FAP: variants seen among roughly 807,000 people sequenced by gnomAD.
The protein encoded by FAP is prolyl endopeptidase FAP.
Under a neutral mutation model 126.5 loss-of-function variants are expected in FAP, and 110 were observed. The observed-to-expected ratio is 0.87, with a 90% CI of 0.74 to 1.02. FAP has a LOEUF of 1.02. Among genes scored for constraint, FAP ranks in the 50% least tolerant of loss-of-function variants. The pLI, the probability that FAP is intolerant of heterozygous loss-of-function variation, is 0.00. For synonymous variants in FAP, 334 were observed against 297.3 expected (o/e 1.12, Z -1.27); for missense variants, 919 against 909.2 (o/e 1.01, Z -0.14).
chr2:162,233,148 A>G (rs569707186), intron 2 of FAP, among the ~76,000 whole-genome samples: 1 of 152,102 alleles, frequency 6.6e-6, no homozygotes, highest in East Asian at 1.9e-4. Flanking sequence ...ATCCCCACTT[A>G]CATATCTCAC....
intron 12 of FAP, among the ~76,000 whole-genome samples, chr2:162,207,633 C>T (rs1688756166): frequency 6.6e-6 from 1 of 151,210 alleles, no homozygotes; most frequent in South Asian, 2.1e-4. Flanking sequence ...TGGCTCATGC[C>T]ATTTAGTTGG....
chr2:162,198,296 C>T (rs1011505892), intron 16 of FAP: 4 of 1,289,722 alleles, frequency 3.1e-6, no homozygotes, highest in Non-Finnish European at 4.0e-6. Context: ...GTTGTTCATT[C>T]CCCTGGATGT....
At chr2:162,212,980 A>C (rs1008854200) in intron 11 of FAP, among the ~76,000 whole-genome samples, 3 of 152,248 alleles carry the variant, frequency 2.0e-5, no homozygotes, top group Admixed American at 1.3e-4. Context: ...TTTTCTGCCC[A>C]AAATTAGTAC....
chr2:162,194,611 G>T, intron 17 of FAP, 90 bp downstream of exon 17: 1 of 1,117,302 alleles, frequency 9.0e-7, no homozygotes, highest in Non-Finnish European at 1.4e-6. Context: ...CCTTGGTGGT[G>T]TGGAGAAACT....
In FAP at chr2:162,170,686, G is replaced by C. The variant is rs546627569; in HGVS notation, c.*293C>G. The C allele has an allele frequency of 3.3e-6, 1 of 300,542 alleles. No individual in the cohort carries two copies. The highest frequency in any genetic ancestry group is 6.3e-6 in the Non-Finnish European group (1 of 159,102). The allele number at this position is 300,542 out of a possible 1,614,324, so 18.6% of individuals were successfully genotyped here. A position where few individuals can be genotyped will look rare whatever the true frequency, so the allele number is the denominator to read the frequency against. Reference sequence around the variant, plus strand: ...ATCAATGAATACAGACAACACAATAGCACTTGAACTTCTGACTTTATTATT... The same window carrying C: ...ATCAATGAATACAGACAACACAATACCACTTGAACTTCTGACTTTATTATT... On this transcript the variant is annotated 3_prime_UTR_variant, in exon 26 of 26. Coordinates refer to ENST00000188790, the MANE Select transcript of FAP (RefSeq NM_004460.5).
chr2:162,229,060 A>T (rs1468832272), intron 2 of FAP, among the ~76,000 whole-genome samples: 1 of 152,144 alleles, frequency 6.6e-6, no homozygotes, highest in Non-Finnish European at 1.5e-5. Flanking sequence ...AAATGAATAT[A>T]ACCTTAGTTA....
At chr2:162,225,322 G>A (rs1039366621) in intron 4 of FAP, among the ~76,000 whole-genome samples, 161 bp downstream of exon 4, 1 of 152,138 alleles carries the variant, frequency 6.6e-6, no homozygotes, top group African/African-American at 2.4e-5. Flanking sequence ...AAAGACAGTA[G>A]TCTAATGGGA....
chr2:162,191,154 A>G (rs1283387863), intron 17 of FAP, among the ~76,000 whole-genome samples: 1 of 152,082 alleles, frequency 6.6e-6, no homozygotes, highest in Non-Finnish European at 1.5e-5. Flanking sequence ...TGATTGACTG[A>G]TTACTATTTG....
intron 6 of FAP, among the ~76,000 whole-genome samples, chr2:162,222,662 C>T (rs1006305598): frequency 1.3e-5 from 2 of 152,066 alleles, no homozygotes; most frequent in Non-Finnish European, 2.9e-5. Context: ...CACACTTAGC[C>T]AGGGTGATTT....
chr2:162,181,774 C>A (rs989321955), intron 21 of FAP, among the ~76,000 whole-genome samples: 1 of 152,184 alleles, frequency 6.6e-6, no homozygotes, highest in Non-Finnish European at 1.5e-5. Context: ...CCCTAAGGAA[C>A]CTAGTACAAG....
Position 162,198,773 on chromosome 2 carries a change from A to C in FAP, c.1386T>G (p.Tyr462Ter), listed in dbSNP as rs757787416. The C allele has an allele frequency of 6.2e-7, 1 of 1,614,124 alleles. No individual in the cohort carries two copies. ...TASFSDYAKYYALVCYGPGIP... is the reference protein window; with the variant it reads ...TASFSDYAKY ...GTTACCTACCGTAGCAGACAAGTGC[A>C]TAGTACTTGGCGTAGTCGCTGAAAC... The change falls in exon 16 of 26, where the codon TAT becomes TAG. Residue 462 changes from tyrosine to a stop codon, truncating the protein, a stop_gained. Coordinates refer to ENST00000188790, the MANE Select transcript of FAP (RefSeq NM_004460.5). LOFTEE classifies it high-confidence loss of function.
chr2:162,204,514 CTG>C (rs1331108960), intron 12 of FAP, among the ~76,000 whole-genome samples: 1 of 152,088 alleles, frequency 6.6e-6, no homozygotes, highest in Non-Finnish European at 1.5e-5. Context: ...CAAAGAGACA[CTG>C]AGAGATACAG....
At chr2:162,203,175 A>C in intron 12 of FAP, 30 bp from the exon 13 acceptor site, 1 of 1,439,450 alleles carries the variant, frequency 6.9e-7, no homozygotes, top group Non-Finnish European at 9.7e-7. Context: ...GTTATGTTCA[A>C]AAGACAAACC....
chr2:162,242,876 G>A (rs771726322), intron 2 of FAP, 32 bp downstream of exon 2: 2 of 1,535,264 alleles, frequency 1.3e-6, no homozygotes, highest in African/African-American at 1.4e-5. Flanking sequence ...AGCTATTCTA[G>A]GCAGATAGAG....
intron 2 of FAP, among the ~76,000 whole-genome samples, chr2:162,239,206 A>T (rs964014930): frequency 6.1e-5 from 9 of 148,158 alleles, no homozygotes; most frequent in African/African-American, 2.2e-4. Flanking sequence ...TAATTTTTGT[A>T]TTTTTTTTTT....
intron 12 of FAP, 25 bp from the exon 13 acceptor site, chr2:162,203,170 G>T (rs1559775981): frequency 1.3e-6 from 2 of 1,501,226 alleles, no homozygotes; most frequent in Non-Finnish European, 1.8e-6. Flanking sequence ...CAGAGGTTAT[G>T]TTCAAAAGAC....
At chr2:162,211,072 C>A (rs535361777) in intron 11 of FAP, among the ~76,000 whole-genome samples, 1 of 152,058 alleles carries the variant, frequency 6.6e-6, no homozygotes, top group African/African-American at 2.4e-5. Context: ...TTCAGTTGAC[C>A]GTGGTTATTT....
At chr2:162,228,280 A>G (rs943468584) in intron 2 of FAP, among the ~76,000 whole-genome samples, 4 of 152,096 alleles carry the variant, frequency 2.6e-5, no homozygotes, top group South Asian at 2.1e-4. Context: ...TTGCTCACTC[A>G]TATTATGAGG....
At chr2:162,225,281 A>G (rs1689589596) in intron 4 of FAP, among the ~76,000 whole-genome samples, 1 of 152,158 alleles carries the variant, frequency 6.6e-6, no homozygotes, top group Non-Finnish European at 1.5e-5. Context: ...TTCAAAGAGG[A>G]GGAAAGATGC....
Sources: allele counts gnomAD v4.1 joint callset (sites outside exome capture counted in the v4.1 genomes callset), GRCh38; gene constraint gnomAD v4.1.1; transcripts MANE v1.5; gene names NCBI Gene and HGNC (gene_info 2026-07-23, HGNC 2026-07-21).